UNC13C: variants seen among roughly 807,000 people sequenced by gnomAD.
UNC13C encodes the protein protein unc-13 homolog C.
Under a neutral mutation model 245.4 loss-of-function variants are expected in UNC13C, and 174 were observed. That is an observed-to-expected ratio of 0.71 (90% CI 0.63 to 0.80). The LOEUF (loss-of-function observed/expected upper bound fraction) is 0.80. Ranked by LOEUF, UNC13C falls within the 30% of genes least tolerant of loss-of-function variation. The pLI is 0.00. For synonymous variants in UNC13C, 992 were observed against 895.1 expected, an observed-to-expected ratio of 1.11 and a Z score of -1.93; for missense variants, 2,829 against 2,602.9, an observed-to-expected ratio of 1.09 and a Z score of -1.89.
intron 19 of UNC13C, among the ~76,000 whole-genome samples, chr15:54,473,540 A>G (rs1490790281): frequency 6.6e-6 from 1 of 151,750 alleles, no homozygotes; most frequent in Admixed American, 6.6e-5. Context: ...TATAACTATC[A>G]TTCTACCCTC....
intron 2 of UNC13C, among the ~76,000 whole-genome samples, chr15:54,092,900 AT>A (rs1899648489): frequency 1.3e-5 from 2 of 152,080 alleles, no homozygotes; most frequent in Non-Finnish European, 2.9e-5. Context: ...GATAGGGGAA[AT>A]TTTTTTACTG....
At chr15:53,910,680 T>C in the UNC13C span, 3 of 146,982 alleles carry the variant, frequency 2.0e-5, 1 homozygote, top group East Asian at 4.0e-4. Context: ...GGCCGTGCAG[T>C]TGCAGGTGTG....
At chr15:54,209,005 C>A (rs1371197062) in intron 4 of UNC13C, among the ~76,000 whole-genome samples, 1 of 152,088 alleles carries the variant, frequency 6.6e-6, no homozygotes, top group African/African-American at 2.4e-5. Context: ...AACCATGTCA[C>A]CTAAACTTTG....
the UNC13C span, among the ~76,000 whole-genome samples, chr15:53,853,266 CA>C: frequency 6.6e-6 from 1 of 152,158 alleles, no homozygotes; most frequent in Non-Finnish European, 1.5e-5. Context: ...TAAATGAGAA[CA>C]TGCAGTGTTT....
intron 30 of UNC13C, among the ~76,000 whole-genome samples, chr15:54,582,484 C>T (rs1166445920): frequency 6.6e-6 from 1 of 152,118 alleles, no homozygotes; most frequent in African/African-American, 2.4e-5. Flanking sequence ...GCAGCCTTTG[C>T]AAGTTCTGAG....
At chr15:54,079,989 G>A (rs966300090) in intron 2 of UNC13C, among the ~76,000 whole-genome samples, 6 of 139,746 alleles carry the variant, frequency 4.3e-5, no homozygotes, top group Non-Finnish European at 7.8e-5. Context: ...TTCCTTCAAG[G>A]CCTGGTTTGT....
intron 2 of UNC13C, among the ~76,000 whole-genome samples, chr15:54,022,835 A>T (rs1895957023): frequency 6.6e-6 from 1 of 152,164 alleles, no homozygotes. Flanking sequence ...GAAGTGGCCA[A>T]GGGCCCCTAG....
intron 30 of UNC13C, among the ~76,000 whole-genome samples, chr15:54,610,305 G>A (rs904212713): frequency 1.3e-5 from 2 of 151,888 alleles, no homozygotes; most frequent in Admixed American, 6.6e-5. Flanking sequence ...GCGCGATCTC[G>A]GCTCACTTCA....
At chr15:54,525,689 A>C (rs561327252) in intron 25 of UNC13C, 52 bp downstream of exon 25, 2 of 1,453,314 alleles carry the variant, frequency 1.4e-6, no homozygotes, top group Non-Finnish European at 9.5e-7. Context: ...GTGTCAGTTC[A>C]TGATATTCTT....
intron 2 of UNC13C, among the ~76,000 whole-genome samples, chr15:54,106,589 A>G (rs890013372): frequency 6.6e-6 from 1 of 152,132 alleles, no homozygotes; most frequent in Non-Finnish European, 1.5e-5. Flanking sequence ...ATTATCTCCC[A>G]TCTTTTCTTT....
At chr15:54,471,122 A>G (rs1892439549) in intron 19 of UNC13C, among the ~76,000 whole-genome samples, 1 of 151,558 alleles carries the variant, frequency 6.6e-6, no homozygotes, top group African/African-American at 2.4e-5. Context: ...TTTGTGGCCT[A>G]ATATTTGATC....
intron 17 of UNC13C, among the ~76,000 whole-genome samples, chr15:54,350,720 C>T (rs540546522): frequency 1.1e-4 from 16 of 152,264 alleles, no homozygotes; most frequent in Non-Finnish European, 2.2e-4. Flanking sequence ...GAAATGGCGA[C>T]CTCTGAAATT....
intron 2 of UNC13C, among the ~76,000 whole-genome samples, chr15:54,133,993 T>G (rs1043350767): frequency 1.3e-5 from 2 of 152,122 alleles, no homozygotes; most frequent in Admixed American, 1.3e-4. Flanking sequence ...TCATATACAT[T>G]GTGAAATGAT....
At chr15:54,554,608 A>T (rs113201316) in intron 28 of UNC13C, among the ~76,000 whole-genome samples, 1 of 152,084 alleles carries the variant, frequency 6.6e-6, no homozygotes, top group South Asian at 2.1e-4. Flanking sequence ...ATTAAACAAT[A>T]TATCTCATTC....
intron 32 of UNC13C, among the ~76,000 whole-genome samples, chr15:54,625,229 C>G (rs62024029): frequency 6.6e-6 from 1 of 152,064 alleles, no homozygotes; most frequent in Non-Finnish European, 1.5e-5. Flanking sequence ...CACTGCCAAC[C>G]TCTTGATGGG....
intron 17 of UNC13C, among the ~76,000 whole-genome samples, chr15:54,357,591 G>C (rs1339910617): frequency 6.6e-6 from 1 of 151,976 alleles, no homozygotes; most frequent in African/African-American, 2.4e-5. Flanking sequence ...AATTGAAGAG[G>C]TTTCAGCATA....
intron 30 of UNC13C, among the ~76,000 whole-genome samples, chr15:54,609,794 G>A (rs1467019046): frequency 6.6e-6 from 1 of 152,156 alleles, no homozygotes; most frequent in Admixed American, 6.5e-5. Flanking sequence ...AAGAAAAAAG[G>A]TTTAATTGAC....
At chr15:54,077,111 G>GA (rs1595817152) in intron 2 of UNC13C, among the ~76,000 whole-genome samples, 1 of 151,972 alleles carries the variant, frequency 6.6e-6, no homozygotes, top group East Asian at 1.9e-4. Context: ...TTATAGTGAA[G>GA]GCTATGAGTC....
At chr15:53,843,334 T>A in the UNC13C span, among the ~76,000 whole-genome samples, 1 of 152,010 alleles carries the variant, frequency 6.6e-6, no homozygotes, top group Admixed American at 6.6e-5. Context: ...GTAGTCCTAG[T>A]GACTCAGGAG....
Sources: gnomAD v4.1 joint callset for allele counts (sites outside exome capture counted in the v4.1 genomes callset) on GRCh38, gnomAD v4.1.1 for gene constraint, MANE v1.5 for transcripts, NCBI Gene and HGNC (gene_info 2026-07-23, HGNC 2026-07-21) for gene names.